Variants in GRIK2 observed in about 807,000 individuals in gnomAD.
GRIK2 encodes glutamate ionotropic receptor kainate type subunit 2, also known as glutamate receptor ionotropic, kainate 2.
GRIK2 carries 32 observed loss-of-function variants against 100.3 expected under a neutral mutation model. That is an observed-to-expected ratio of 0.32 (90% confidence interval 0.24 to 0.43). The LOEUF (loss-of-function observed/expected upper bound fraction) is 0.43. Among genes scored for constraint, GRIK2 ranks in the 20% least tolerant of loss-of-function variants. The probability of loss-of-function intolerance (pLI) is 1.00; values close to 1 mark genes in which losing one functional copy is unlikely to be tolerated. For missense variants in GRIK2, 843 were observed against 1,114.9 expected (o/e 0.76, Z 3.47); for synonymous variants, 417 against 389.4 (o/e 1.07, Z -0.83).
intron 14 of GRIK2, among the ~76,000 whole-genome samples, chr6:101,977,279 T>C (rs886105427): frequency 6.7e-6 from 1 of 149,460 alleles, no homozygotes; most frequent in African/African-American, 2.4e-5. Context: ...TGTTATGTTA[T>C]GAGTCTGAGT....
At position 101,622,038 on chromosome 6, in the gene GRIK2, A is replaced by G. The variant is rs765599779; in HGVS notation, c.205A>G (p.Thr69Ala). ...FAVNTINRNRTLLPNTTLTYD... is the reference protein window; with the variant it reads ...FAVNTINRNRALLPNTTLTYD... Reference sequence around the variant, plus strand: ...TGTGAACACAATTAACAGAAACAGAACATTGCTACCCAATACTACCCTTAC... The same window carrying G: ...TGTGAACACAATTAACAGAAACAGAGCATTGCTACCCAATACTACCCTTAC... The change falls in exon 3 of 17, where the codon ACA (threonine) becomes GCA (alanine). Residue 69 changes from threonine (T) to alanine (A), a missense_variant. Physicochemically the swap from Thr to Ala is moderately conservative, Grantham distance 58 (BLOSUM62 0). Transcript: ENST00000369134. 21 of 1,603,756 alleles carry G rather than the reference A, an allele frequency of 1.3e-5. No homozygotes were observed. Among genetic ancestry groups the G allele is most frequent in the Non-Finnish European group, 1.1e-5 (13 of 1,170,700 alleles).
intron 4 of GRIK2, among the ~76,000 whole-genome samples, chr6:101,639,117 G>A (rs1282029294): frequency 6.6e-6 from 1 of 152,124 alleles, no homozygotes; most frequent in African/African-American, 2.4e-5. Context: ...TCGGCTCACT[G>A]CAACCCCCAC....
chr6:101,487,047 G>A lies in GRIK2; in HGVS notation c.115+87655G>A, dbSNP rs531131852. Among the ~76,000 whole-genome samples, 291 of 146,380 alleles carry A rather than the reference G, an allele frequency of 2.0e-3. 42 individuals are homozygous for A. Among genetic ancestry groups the A allele is most frequent in the African/African-American group, 7.1e-3 (273 of 38,350 alleles). ...TTGGGGAGAATTTAAGGGAAATAAA[G>A]GCTGGTACTTTCCCTCAATTCATAC... On this transcript the variant is annotated intron_variant, in intron 2 of 16. Transcript: ENST00000369134.
chr6:101,894,126 CTAA>C (rs994847646), intron 12 of GRIK2, among the ~76,000 whole-genome samples: 21 of 149,794 alleles, frequency 1.4e-4, no homozygotes, highest in African/African-American at 4.5e-4. Flanking sequence ...AAATTAAGAT[CTAA>C]TAATAATTGT....
At chr6:101,645,803 T>G (rs1781498389) in intron 4 of GRIK2, among the ~76,000 whole-genome samples, 1 of 151,982 alleles carries the variant, frequency 6.6e-6, no homozygotes, top group African/African-American at 2.4e-5. Context: ...AGAATTTTAA[T>G]GGTAATAGAA....
chr6:101,971,060 C>T (rs1260365459), intron 14 of GRIK2, among the ~76,000 whole-genome samples: 7 of 150,730 alleles, frequency 4.6e-5, no homozygotes. Flanking sequence ...ATTTCAAATT[C>T]TCTTGGAGTT....
At chr6:101,717,103 G>A (rs549360178) in intron 7 of GRIK2, among the ~76,000 whole-genome samples, 16 of 151,932 alleles carry the variant, frequency 1.1e-4, no homozygotes, top group African/African-American at 3.6e-4. Context: ...GAAGGAAATG[G>A]ATTTCTGAAA....
chr6:101,746,316 T>C (rs1395537023), intron 7 of GRIK2, among the ~76,000 whole-genome samples: 2 of 152,162 alleles, frequency 1.3e-5, no homozygotes, highest in African/African-American at 4.8e-5. Context: ...GTTAACATCC[T>C]GCTACCTTCA....
chr6:101,451,701 G>T (rs567195650), intron 2 of GRIK2, among the ~76,000 whole-genome samples: 2 of 59,942 alleles, frequency 3.3e-5, no homozygotes, highest in East Asian at 5.4e-4. Flanking sequence ...TCTGAGGGGG[G>T]GGGGGGTGCC....
chr6:101,585,370 A>G (rs1426025661), intron 2 of GRIK2, among the ~76,000 whole-genome samples: 1 of 152,212 alleles, frequency 6.6e-6, no homozygotes, highest in African/African-American at 2.4e-5. Context: ...CCACTGGTCC[A>G]CTATGATAAA....
At chr6:101,988,132 T>TGC (rs112299589) in intron 14 of GRIK2, among the ~76,000 whole-genome samples, 88 of 29,542 alleles carry the variant, frequency 3.0e-3, no homozygotes, top group Non-Finnish European at 3.6e-3. Flanking sequence ...TGTGTGTGTG[T>TGC]GCGCGCGCGC....
At chr6:101,592,072 C>A (rs185572977) in intron 2 of GRIK2, among the ~76,000 whole-genome samples, 1 of 152,106 alleles carries the variant, frequency 6.6e-6, no homozygotes, top group East Asian at 1.9e-4. Flanking sequence ...CTCTTTCCTA[C>A]TCCCTCTTTG....
At position 101,963,509 on chromosome 6, in the gene GRIK2, CT is replaced by C. The variant is rs770178884; in HGVS notation, c.2085+34893del. The stretch of plus-strand genomic sequence containing the variant: ...TTTTTCTCTTTTTCTTTCTTTCTTT[CT>C]TTTTTTTTTTTTTTTGTATTTTTAG... On this transcript the variant is annotated intron_variant, in intron 14 of 16. Transcript: ENST00000369134. Among the ~76,000 whole-genome samples, 328 of 106,078 alleles carry C rather than the reference CT, an allele frequency of 3.1e-3. 3 individuals carry two copies. The highest frequency in any genetic ancestry group is 7.7e-3 in the East Asian group (28 of 3,650). The allele number at this position is 106,078 out of a possible 152,430, so 69.6% of individuals were successfully genotyped here.
chr6:101,452,434 G>A (rs953663038), intron 2 of GRIK2, among the ~76,000 whole-genome samples: 2 of 140,972 alleles, frequency 1.4e-5, no homozygotes, highest in Admixed American at 7.3e-5. Context: ...TGCTTGCAGT[G>A]TATGAAATTT....
At chr6:101,401,889 G>A (rs1161925790) in intron 2 of GRIK2, among the ~76,000 whole-genome samples, 1 of 152,178 alleles carries the variant, frequency 6.6e-6, no homozygotes, top group East Asian at 1.9e-4. Flanking sequence ...CGCCTCTGCT[G>A]GGGAGGCAGC....
intron 7 of GRIK2, among the ~76,000 whole-genome samples, chr6:101,753,033 G>A (rs891912194): frequency 6.6e-6 from 1 of 152,064 alleles, no homozygotes; most frequent in Non-Finnish European, 1.5e-5. Context: ...GGTGGCTCAC[G>A]CTTGTAATCC....
chr6:101,496,086 C>A (rs1416079185), intron 2 of GRIK2, among the ~76,000 whole-genome samples: 1 of 152,084 alleles, frequency 6.6e-6, no homozygotes, highest in Admixed American at 6.5e-5. Flanking sequence ...GCTGGGATTA[C>A]AGGCGCACAT....
chr6:102,023,981 C>T (rs766596515), intron 14 of GRIK2, among the ~76,000 whole-genome samples: 6 of 150,928 alleles, frequency 4.0e-5, no homozygotes, highest in South Asian at 2.1e-4. Flanking sequence ...AAAATATTAC[C>T]GGTAAAGAAA....
At chr6:101,562,534 G>A (rs1187997424) in intron 2 of GRIK2, among the ~76,000 whole-genome samples, 1 of 151,752 alleles carries the variant, frequency 6.6e-6, no homozygotes, top group Non-Finnish European at 1.5e-5. Flanking sequence ...GTAGATATGG[G>A]GTTTCTTCAT....
Sources: gnomAD v4.1 joint callset for allele counts (sites outside exome capture counted in the v4.1 genomes callset) on GRCh38, gnomAD v4.1.1 for gene constraint, MANE v1.5 for transcripts, NCBI Gene and HGNC (gene_info 2026-07-23, HGNC 2026-07-21) for gene names.